The following DPP6 variants were observed in gnomAD, a reference collection of about 807,000 sequenced individuals.
DPP6 encodes the protein A-type potassium channel modulatory protein DPP6.
DPP6 carries 69 observed loss-of-function variants against 122.6 expected under a neutral mutation model. The ratio of observed to expected loss-of-function variants is 0.56; its 90% CI spans 0.46 to 0.69. DPP6 has a LOEUF of 0.69. Among genes scored for constraint, DPP6 ranks in the 30% least tolerant of loss-of-function variants. DPP6 has a pLI of 0.00. For missense variants in DPP6, 928 were observed against 1,116.9 expected (o/e 0.83, Z 2.41); for synonymous variants, 418 against 433.1 (o/e 0.97, Z 0.43).
intron 5 of DPP6, among the ~76,000 whole-genome samples, chr7:154,581,622 C>A (rs1832075755): frequency 6.6e-6 from 1 of 152,244 alleles, no homozygotes; most frequent in South Asian, 2.1e-4. Context: ...CTTGAGTTGA[C>A]AACAAAGAAC....
Position 154,349,878 on chromosome 7 carries a change from A to C in DPP6, c.244-96336A>C, listed in dbSNP as rs138856839. ...AGTCAGTTATTCTAGAAGTAGAGTA[A>C]AAAACAAATTTTCAGACTCACTTAT... On this transcript the variant is annotated intron_variant, in intron 1 of 25. Transcript: ENST00000377770. 7.7e-4 allele frequency among the ~76,000 whole-genome samples: 117 copies of C among 152,356 alleles called. No homozygotes were observed. The Middle Eastern group carries it at 0.02, about 27-fold the overall frequency.
intron 7 of DPP6, among the ~76,000 whole-genome samples, chr7:154,716,926 C>T (rs1841519532): frequency 6.6e-6 from 1 of 152,062 alleles, no homozygotes; most frequent in Non-Finnish European, 1.5e-5. Context: ...CTCAGCCTCC[C>T]AGGTTCAAGC....
At position 154,567,130 on chromosome 7, in the gene DPP6, AG is replaced by A. The variant is rs377726770; in HGVS notation, c.627+216del. 3.9e-4 allele frequency among the ~76,000 whole-genome samples: 60 copies of A among 152,312 alleles called. No homozygotes were observed. The South Asian group carries it at 0.012, about 31-fold the overall frequency. ...AGGGGAAAAAAGTCACATACTTTAGAGGCTCTTTCATAGACTTTTCTTAGGA... is the reference window on the plus strand; with the variant it reads ...AGGGGAAAAAAGTCACATACTTTAGAGCTCTTTCATAGACTTTTCTTAGGA... On this transcript the variant is annotated intron_variant, in intron 5 of 25. Transcript: ENST00000377770.
intron 1 of DPP6, among the ~76,000 whole-genome samples, chr7:154,023,959 C>G (rs1005216465): frequency 7.2e-5 from 11 of 152,184 alleles, no homozygotes; most frequent in African/African-American, 2.7e-4. Flanking sequence ...TTACCTGCAG[C>G]AAGATTAGGT....
rs186656356 is a variant in DPP6, at chr7:154,886,408, A to G, written c.2245+664A>G. On this transcript the variant is annotated intron_variant, in intron 22 of 25. Coordinates refer to ENST00000377770, the MANE Select transcript of DPP6 (RefSeq NM_130797.4). ...GAGCCCACCCAGGTGTGGGAACCAG[A>G]CCTCTGTCCAGGCACAGAAGGGCTT... Among the ~76,000 whole-genome samples, 702 of 152,136 alleles carry G rather than the reference A, an allele frequency of 4.6e-3. 7 individuals carry two copies. The highest frequency in any genetic ancestry group is 0.015 in the African/African-American group (633 of 41,512).
chr7:154,769,498 G>T lies in DPP6; in HGVS notation c.965G>T (p.Arg322Leu). The change falls in exon 9 of 26, where the codon CGT becomes CTT. Residue 322 changes from arginine (R) to leucine (L), a missense_variant. Coordinates refer to ENST00000377770, the MANE Select transcript of DPP6 (RefSeq NM_130797.4). The part of the protein sequence containing the change: ...RLAYAAINDS[R>L]VPIMELPTYT... ...GCCTACGCCGCCATCAATGATTCCC[G>T]TGTCCCCATCATGGAGCTCCCAACT... is the stretch of plus-strand genomic sequence containing the variant. 5 of 1,613,364 alleles carry T rather than the reference G, an allele frequency of 3.1e-6. No individual in the cohort carries two copies. Among genetic ancestry groups the T allele is most frequent in the Non-Finnish European group, 3.4e-6 (4 of 1,179,716 alleles).
chr7:154,528,336 G>A (rs1439839972), intron 3 of DPP6, among the ~76,000 whole-genome samples: 1 of 152,106 alleles, frequency 6.6e-6, no homozygotes, highest in African/African-American at 2.4e-5. Flanking sequence ...GCAATTATAA[G>A]GATAAAATAA....
chr7:154,734,937 G>A (rs527860203), intron 8 of DPP6, among the ~76,000 whole-genome samples: 2 of 152,288 alleles, frequency 1.3e-5, no homozygotes, highest in East Asian at 3.9e-4. Context: ...TAACGTCTAC[G>A]TATTGGTGGT....
At chr7:154,046,571 A>G (rs1163632196) in intron 1 of DPP6, among the ~76,000 whole-genome samples, 1 of 152,228 alleles carries the variant, frequency 6.6e-6, no homozygotes, top group African/African-American at 2.4e-5. Flanking sequence ...TGCTCTTGAA[A>G]GAAGATGCTG....
intron 16 of DPP6, among the ~76,000 whole-genome samples, chr7:154,840,305 G>A (rs1801418135): frequency 6.6e-6 from 1 of 152,184 alleles, no homozygotes; most frequent in African/African-American, 2.4e-5. Flanking sequence ...CCTCCATTCT[G>A]CTGTCACACG....
intron 1 of DPP6, among the ~76,000 whole-genome samples, chr7:154,300,591 G>A (rs190478252): frequency 1.1e-4 from 17 of 152,228 alleles, no homozygotes; most frequent in East Asian, 7.7e-4. Flanking sequence ...TGGATCTCCC[G>A]CCCAAGCACT....
chr7:154,423,949 G>A (rs76847250), intron 1 of DPP6, among the ~76,000 whole-genome samples: 4,237 of 152,230 alleles, frequency 0.028, 178 homozygotes, highest in African/African-American at 0.097. Flanking sequence ...TCTATAAAGA[G>A]CTTGTTTCAC....
chr7:154,484,186 T>C (rs1378400243), intron 3 of DPP6, among the ~76,000 whole-genome samples: 1 of 152,168 alleles, frequency 6.6e-6, no homozygotes, highest in Non-Finnish European at 1.5e-5. Context: ...GAAAGGTTAA[T>C]TCCAGAAGCA....
At chr7:153,922,774 G>A (rs1184271058) in intron 1 of DPP6, among the ~76,000 whole-genome samples, 1 of 152,196 alleles carries the variant, frequency 6.6e-6, no homozygotes, top group Non-Finnish European at 1.5e-5. Context: ...CCTTGCATCA[G>A]GAGAGAAAGG....
chr7:153,831,730 T>C, the DPP6 span, among the ~76,000 whole-genome samples: 1 of 152,208 alleles, frequency 6.6e-6, no homozygotes, highest in Admixed American at 6.5e-5. Context: ...TAAATACCAT[T>C]CTTAGGTCAC....
At chr7:153,748,291 T>C in the DPP6 span, among the ~76,000 whole-genome samples, 3 of 151,416 alleles carry the variant, frequency 2.0e-5, no homozygotes, top group East Asian at 5.9e-4. Flanking sequence ...CCCGGGAAGA[T>C]TTGGCGGCTG....
In DPP6 at chr7:154,540,514, C is replaced by G. The variant is rs1448128704; in HGVS notation, c.458-18C>G. 6.6e-7 allele frequency: 1 copy of G among 1,520,416 alleles called. No individual in the cohort carries two copies. The highest frequency in any genetic ancestry group is 1.2e-5 in the South Asian group (1 of 86,920). 94.2% of individuals were successfully genotyped at this position (1,520,416 alleles called of 1,614,324 possible). On this transcript the variant is annotated intron_variant, in intron 3 of 25. Transcript: ENST00000377770. Reference sequence around the variant, plus strand: ...CCTTGATGTTTCATGTGGTTTTTTTCTACTTCCTCTCTTACAGATACAGAA... The same window carrying G: ...CCTTGATGTTTCATGTGGTTTTTTTGTACTTCCTCTCTTACAGATACAGAA...
intron 1 of DPP6, among the ~76,000 whole-genome samples, chr7:154,054,948 CCTT>C (rs1360440259): frequency 1.3e-5 from 2 of 151,830 alleles, no homozygotes; most frequent in Middle Eastern, 3.4e-3. Context: ...GTATACATGT[CCTT>C]CTTTTTATTG....
chr7:153,922,581 C>A (rs193221042), intron 1 of DPP6, among the ~76,000 whole-genome samples: 3 of 152,300 alleles, frequency 2.0e-5, no homozygotes, highest in African/African-American at 4.8e-5. Context: ...GAAACAAATT[C>A]TATACATATT....
Sources: allele counts gnomAD v4.1 joint callset (sites outside exome capture counted in the v4.1 genomes callset), GRCh38; gene constraint gnomAD v4.1.1; transcripts MANE v1.5; gene names NCBI Gene and HGNC (gene_info 2026-07-23, HGNC 2026-07-21).